The following ERBIN variants were observed in gnomAD, a reference collection of about 807,000 sequenced individuals.
The protein encoded by ERBIN is erbb2 interacting protein.
A neutral mutation model predicts 158.4 loss-of-function variants in ERBIN; 60 were observed. That is an observed-to-expected ratio of 0.38 (90% confidence interval 0.31 to 0.47). The LOEUF (loss-of-function observed/expected upper bound fraction) is 0.47, where lower values mean the gene tolerates loss of function less well. ERBIN is among the 20% of genes least tolerant of loss of function. ERBIN has a pLI of 0.99. For synonymous variants in ERBIN, 594 were observed against 557.2 expected (o/e 1.07, Z -0.93); for missense variants, 1,610 against 1,648.0 (o/e 0.98, Z 0.40).
intron 4 of ERBIN, among the ~76,000 whole-genome samples, chr5:66,011,278 C>G (rs1754167221): frequency 6.6e-6 from 1 of 152,216 alleles, no homozygotes; most frequent in Admixed American, 6.5e-5. Context: ...GTGCTGCCTT[C>G]AGGCATATCC....
intron 9 of ERBIN, 45 bp downstream of exon 9, chr5:66,023,409 C>A: frequency 7.6e-7 from 1 of 1,307,782 alleles, no homozygotes. Context: ...TTCTGGCTCT[C>A]CTTTGCAGTT....
chr5:66,020,292 A>G lies in ERBIN; in HGVS notation c.534-1030A>G, dbSNP rs539299772. 5.9e-5 allele frequency among the ~76,000 whole-genome samples: 9 copies of G among 152,146 alleles called. No individual in the cohort carries two copies. The South Asian group carries it at 1.9e-3, about 32-fold the overall frequency. On this transcript the variant is annotated intron_variant, in intron 7 of 25. Coordinates refer to ENST00000284037, the MANE Select transcript of ERBIN (RefSeq NM_001253697.2). ...TATTTTTGACTAAAAAGCTGGAGAA[A>G]TGTTGCAACTGAGTTTTATTTTACT...
chr5:65,980,941 C>G (rs929275169), intron 1 of ERBIN, among the ~76,000 whole-genome samples: 2 of 152,198 alleles, frequency 1.3e-5, no homozygotes, highest in Non-Finnish European at 2.9e-5. Flanking sequence ...CAACTGTCAA[C>G]CAATTTTATC....
chr5:66,055,296 T>G (rs995967818), intron 21 of ERBIN, among the ~76,000 whole-genome samples: 7 of 152,206 alleles, frequency 4.6e-5, no homozygotes, highest in African/African-American at 1.7e-4. Context: ...TATCTAAATT[T>G]AAAAAATAGT....
At chr5:65,967,082 G>T (rs1439938861) in intron 1 of ERBIN, among the ~76,000 whole-genome samples, 1 of 151,876 alleles carries the variant, frequency 6.6e-6, no homozygotes, top group East Asian at 1.9e-4. Context: ...GTCCAGCCTG[G>T]GTAACATAGA....
intron 7 of ERBIN, among the ~76,000 whole-genome samples, chr5:66,018,479 ATT>A (rs1491353271): frequency 0.18 from 879 of 4,890 alleles, 322 homozygotes; most frequent in African/African-American, 0.46. Context: ...TATATTATAT[ATT>A]ATATATTATA....
intron 4 of ERBIN, among the ~76,000 whole-genome samples, chr5:66,011,377 A>G (rs1453259976): frequency 6.6e-6 from 1 of 152,160 alleles, no homozygotes; most frequent in Non-Finnish European, 1.5e-5. Context: ...CAGCTCAATC[A>G]AGAGCCCAGC....
At chr5:66,062,914 G>T (rs1026538005) in intron 21 of ERBIN, among the ~76,000 whole-genome samples, 2 of 152,220 alleles carry the variant, frequency 1.3e-5, no homozygotes, top group African/African-American at 4.8e-5. Flanking sequence ...TTGTCTCAGA[G>T]GAGTACCTGG....
intron 7 of ERBIN, among the ~76,000 whole-genome samples, chr5:66,018,031 C>G (rs1340143814): frequency 1.3e-5 from 2 of 151,956 alleles, no homozygotes; most frequent in Admixed American, 6.6e-5. Flanking sequence ...CAATTCCTTT[C>G]CATTGGTCTG....
intron 21 of ERBIN, among the ~76,000 whole-genome samples, chr5:66,066,287 T>C (rs1760984467): frequency 6.6e-6 from 1 of 152,112 alleles, no homozygotes; most frequent in Non-Finnish European, 1.5e-5. Flanking sequence ...TAGAAGATGA[T>C]GGAGGATCTC....
intron 21 of ERBIN, among the ~76,000 whole-genome samples, chr5:66,068,632 G>C (rs865935253): frequency 1.1e-4 from 16 of 152,212 alleles, no homozygotes; most frequent in African/African-American, 3.6e-4. Flanking sequence ...GCAGTTATAT[G>C]TCTGTACTTT....
chr5:65,981,235 AAATT>A (rs1299494311), intron 1 of ERBIN, among the ~76,000 whole-genome samples: 1 of 152,266 alleles, frequency 6.6e-6, no homozygotes, highest in Non-Finnish European at 1.5e-5. Flanking sequence ...GACATTAAAT[AAATT>A]CAGAAAAGAC....
At position 66,079,943 on chromosome 5, in the gene ERBIN, T is replaced by TG. The variant is rs1204397239; in HGVS notation, c.*1414dup. 3 of 152,170 alleles carry TG rather than the reference T, an allele frequency of 2.0e-5. No individual in the cohort carries two copies. Among genetic ancestry groups the TG allele is most frequent in the Non-Finnish European group, 4.4e-5 (3 of 68,004 alleles). The allele number at this position is 152,170 out of a possible 1,614,324, so 9.4% of individuals were successfully genotyped here. A position where few individuals can be genotyped will look rare whatever the true frequency, so the allele number is the denominator to read the frequency against. On this transcript the variant is annotated 3_prime_UTR_variant, in exon 26 of 26. Transcript: ENST00000284037. ...GTAATCAAATAAAATTTGAGTAACA[T>TG]GTAATGGTAAGGATTAATGCATGGT...
intron 21 of ERBIN, chr5:66,055,276 A>G: frequency 3.9e-6 from 1 of 253,672 alleles, no homozygotes; most frequent in Non-Finnish European, 6.8e-6. Flanking sequence ...TGCTATTAAT[A>G]ATTGTTGATT....
intron 8 of ERBIN, 120 bp from the exon 9 acceptor site, chr5:66,023,170 C>T: frequency 1.4e-6 from 1 of 715,896 alleles, no homozygotes; most frequent in South Asian, 1.8e-5. Flanking sequence ...TCTCCCTGCT[C>T]CTTTTATTTA....
chr5:65,950,415 A>AT (rs1333260593), intron 1 of ERBIN, among the ~76,000 whole-genome samples: 1 of 151,962 alleles, frequency 6.6e-6, no homozygotes, highest in Non-Finnish European at 1.5e-5. Context: ...GGTTTTTCTG[A>AT]TTTTTTTCAT....
chr5:65,972,302 T>G (rs1749349368), intron 1 of ERBIN, among the ~76,000 whole-genome samples: 1 of 152,002 alleles, frequency 6.6e-6, no homozygotes, highest in Non-Finnish European at 1.5e-5. Flanking sequence ...GATGTGGAGC[T>G]TTGACATTTG....
At chr5:66,064,025 A>G (rs1760739651) in intron 21 of ERBIN, among the ~76,000 whole-genome samples, 2 of 152,202 alleles carry the variant, frequency 1.3e-5, no homozygotes, top group South Asian at 4.1e-4. Flanking sequence ...CAAAAGATGA[A>G]ATGTTAATGT....
chr5:66,039,493 T>C lies in ERBIN; in HGVS notation c.1306+1011T>C, dbSNP rs556307312. ...TTCAGAGACAAAGAAAAGTAGGAAA[T>C]TGAGACATAAGTTTCAGTGAGTAAG... On this transcript the variant is annotated intron_variant, in intron 15 of 25. Coordinates refer to ENST00000284037, the MANE Select transcript of ERBIN (RefSeq NM_001253697.2). 2.6e-5 allele frequency among the ~76,000 whole-genome samples: 4 copies of C among 152,108 alleles called. 1 individual carries two copies. Among genetic ancestry groups the C allele is most frequent in the African/African-American group, 9.6e-5 (4 of 41,572 alleles).
Sources: gnomAD v4.1 joint callset for allele counts (sites outside exome capture counted in the v4.1 genomes callset) on GRCh38, gnomAD v4.1.1 for gene constraint, MANE v1.5 for transcripts, NCBI Gene and HGNC (gene_info 2026-07-23, HGNC 2026-07-21) for gene names.